PARD3B: variants seen among roughly 807,000 people sequenced by gnomAD.
PARD3B encodes the protein par-3 family cell polarity regulator beta.
A neutral mutation model predicts 130.2 loss-of-function variants in PARD3B; 103 were observed. The observed-to-expected ratio is 0.79, with a 90% confidence interval of 0.67 to 0.93. PARD3B has a LOEUF of 0.93. Ranked by LOEUF, PARD3B falls within the 40% of genes least tolerant of loss-of-function variation. The probability of loss-of-function intolerance (pLI) is 0.00; values close to 1 mark genes in which losing one functional copy is unlikely to be tolerated. For missense variants in PARD3B, 1,609 were observed against 1,499.2 expected (o/e 1.07, Z -1.21); for synonymous variants, 583 against 553.2 (o/e 1.05, Z -0.76).
chr2:205,203,157 A>G (rs1450694590), intron 15 of PARD3B, among the ~76,000 whole-genome samples: 3 of 152,308 alleles, frequency 2.0e-5, no homozygotes, highest in South Asian at 4.1e-4. Flanking sequence ...ACCTTAACCA[A>G]TGATATTCTG....
rs577666678 is a variant in PARD3B, at chr2:205,463,453, A to C, written c.3044+22781A>C. 1.7e-4 allele frequency among the ~76,000 whole-genome samples: 26 copies of C among 152,226 alleles called. No homozygotes were observed. Among genetic ancestry groups the C allele is most frequent in the East Asian group, 1.5e-3 (8 of 5,178 alleles). On this transcript the variant is annotated intron_variant, in intron 20 of 22. Coordinates refer to ENST00000406610, the MANE Select transcript of PARD3B (RefSeq NM_001302769.2). The surrounding 1 kb of genome is among the most constrained non-coding windows in gnomAD (Gnocchi z 4.8). ...ATTAATTCTTTAAAAAAAAAAAAAA[A>C]AAAAAACCTGTCATTTAATTTTAAA...
At chr2:205,090,302 C>A (rs1702027268) in intron 4 of PARD3B, among the ~76,000 whole-genome samples, 1 of 152,254 alleles carries the variant, frequency 6.6e-6, no homozygotes, top group Admixed American at 6.5e-5. Flanking sequence ...AAAAAGATTT[C>A]CTCTTTTTCA....
chr2:205,001,694 C>T (rs774172567), intron 3 of PARD3B, among the ~76,000 whole-genome samples: 1 of 152,180 alleles, frequency 6.6e-6, no homozygotes, highest in Non-Finnish European at 1.5e-5. Flanking sequence ...GTGGAAATGG[C>T]AGGGAGGCGT....
chr2:205,337,488 A>T (rs1559676622), intron 18 of PARD3B, among the ~76,000 whole-genome samples: 1 of 152,206 alleles, frequency 6.6e-6, no homozygotes, highest in Non-Finnish European at 1.5e-5. Context: ...ATCATTTATT[A>T]GATAGAGTGT....
chr2:205,528,403 C>G (rs535547940), intron 21 of PARD3B, among the ~76,000 whole-genome samples: 8 of 152,284 alleles, frequency 5.3e-5, no homozygotes, highest in African/African-American at 1.9e-4. Context: ...GCAGAAACAT[C>G]TATGAGTCTC....
intron 14 of PARD3B, among the ~76,000 whole-genome samples, chr2:205,191,133 A>C (rs1180403054): frequency 6.6e-6 from 1 of 151,950 alleles, no homozygotes; most frequent in Non-Finnish European, 1.5e-5. Flanking sequence ...TTCTTGAGAA[A>C]TTTTTATGAA....
In PARD3B at chr2:204,915,435, G is replaced by A. The variant is rs550497180; in HGVS notation, c.223-49717G>A. On this transcript the variant is annotated intron_variant, in intron 2 of 22. Transcript: ENST00000406610. ...TAATTCTAATGCTGAAATTTGTTATGCATCGTTTAAGGAGATTTTTGAATT... is the reference window on the plus strand; with the variant it reads ...TAATTCTAATGCTGAAATTTGTTATACATCGTTTAAGGAGATTTTTGAATT... 3.8e-4 allele frequency among the ~76,000 whole-genome samples: 57 copies of A among 151,978 alleles called. 1 individual carries two copies. In the South Asian group the frequency reaches 9.0e-3, roughly 24 times the overall value.
chr2:204,816,171 T>A (rs2043138962), intron 2 of PARD3B, among the ~76,000 whole-genome samples: 1 of 152,026 alleles, frequency 6.6e-6, no homozygotes, highest in South Asian at 2.1e-4. Flanking sequence ...TGTAATAGCA[T>A]GTTTCAGTTT....
chr2:204,596,792 G>A (rs1330724146), intron 1 of PARD3B, among the ~76,000 whole-genome samples: 1 of 152,002 alleles, frequency 6.6e-6, no homozygotes, highest in South Asian at 2.1e-4. Context: ...GCTGGGTGTG[G>A]TGGCACATGC....
chr2:204,889,688 G>T (rs926769808), intron 2 of PARD3B, among the ~76,000 whole-genome samples: 2 of 152,188 alleles, frequency 1.3e-5, no homozygotes, highest in Non-Finnish European at 1.5e-5. Context: ...ATTCATTTAT[G>T]ATGTTAAATG....
intron 4 of PARD3B, among the ~76,000 whole-genome samples, chr2:205,087,134 TACAA>T (rs1401300968): frequency 6.6e-6 from 1 of 152,204 alleles, no homozygotes; most frequent in Non-Finnish European, 1.5e-5. Flanking sequence ...GTATTCATAA[TACAA>T]ACAAAAGACA....
At chr2:204,622,741 A>G (rs867059887) in intron 1 of PARD3B, among the ~76,000 whole-genome samples, 1 of 152,166 alleles carries the variant, frequency 6.6e-6, no homozygotes, top group African/African-American at 2.4e-5. Context: ...AAGGCCAGCT[A>G]TAAATTCAGA....
intron 1 of PARD3B, among the ~76,000 whole-genome samples, chr2:204,585,242 C>T (rs2125086771): frequency 6.6e-6 from 1 of 152,312 alleles, no homozygotes; most frequent in Admixed American, 6.5e-5. Flanking sequence ...GACCTGAAAA[C>T]AACCCAGCAG....
chr2:205,360,351 G>A (rs943599490), intron 18 of PARD3B, among the ~76,000 whole-genome samples: 1 of 151,910 alleles, frequency 6.6e-6, no homozygotes, highest in Non-Finnish European at 1.5e-5. Context: ...TCATTTTATA[G>A]TAATCAAGTA....
chr2:205,154,616 A>G (rs541201342), intron 10 of PARD3B, among the ~76,000 whole-genome samples: 7 of 152,330 alleles, frequency 4.6e-5, no homozygotes, highest in South Asian at 2.1e-4. Flanking sequence ...TTGCGGCACT[A>G]TTCACAATAG....
chr2:205,218,895 C>A (rs944739796), intron 15 of PARD3B, among the ~76,000 whole-genome samples: 33 of 152,118 alleles, frequency 2.2e-4, no homozygotes, highest in African/African-American at 8.0e-4. Context: ...GCCTGCCCAA[C>A]ATGGTGAAAC....
chr2:205,218,954 C>A (rs1433438544), intron 15 of PARD3B, among the ~76,000 whole-genome samples: 17 of 151,968 alleles, frequency 1.1e-4, no homozygotes, highest in Admixed American at 1.0e-3. Context: ...GTGGCACGTG[C>A]CTGTAATTCC....
Position 205,124,364 on chromosome 2 carries a change from C to A in PARD3B, c.1203C>A (p.Asp401Glu). The A allele has an allele frequency of 6.3e-7, 1 of 1,595,238 alleles. No individual in the cohort carries two copies. Among genetic ancestry groups the A allele is most frequent in the Non-Finnish European group, 8.5e-7 (1 of 1,169,778 alleles). Reference protein sequence around the residue: ...EGLGFTVVTRDSSIHGPGPIF... With the variant: ...EGLGFTVVTRESSIHGPGPIF... ...TTGGTTTCACTGTGGTTACCAGAGA[C>A]TCTTCCATACATGGTCCCGGTCCCA... Residue 401 changes from aspartate (D) to glutamate (E), a missense_variant, in exon 9 of 23, where the codon GAC (aspartate) becomes GAA (glutamate). Physicochemically the swap from Asp to Glu is conservative, Grantham distance 45. Transcript: ENST00000406610.
intron 3 of PARD3B, among the ~76,000 whole-genome samples, chr2:205,024,716 T>G (rs1216832222): frequency 6.6e-6 from 1 of 152,250 alleles, no homozygotes; most frequent in Non-Finnish European, 1.5e-5. Flanking sequence ...TAATAATTAA[T>G]GAAGCACATC....
Sources: allele counts gnomAD v4.1 joint callset (sites outside exome capture counted in the v4.1 genomes callset), GRCh38; gene constraint gnomAD v4.1.1; non-coding constraint Gnocchi (gnomAD v3.1); transcripts MANE v1.5; gene names NCBI Gene and HGNC (gene_info 2026-07-23, HGNC 2026-07-21).